COMMD10: variants seen among roughly 807,000 people sequenced by gnomAD.
COMMD10 encodes the protein COMM domain containing 10.
A neutral mutation model predicts 28.9 loss-of-function variants in COMMD10; 33 were observed. That is an observed-to-expected ratio of 1.14 (90% CI 0.87 to 1.53). COMMD10 has a LOEUF of 1.53. COMMD10 is among the 40% of genes most tolerant of loss of function. The pLI, the probability that COMMD10 is intolerant of heterozygous loss-of-function variation, is 0.00. For synonymous variants in COMMD10, 110 were observed against 81.7 expected, an observed-to-expected ratio of 1.35 and a Z score of -1.87; for missense variants, 310 against 233.4, an observed-to-expected ratio of 1.33 and a Z score of -2.14.
At chr5:116,220,068 G>A (rs1749206849) in intron 5 of COMMD10, among the ~76,000 whole-genome samples, 1 of 152,116 alleles carries the variant, frequency 6.6e-6, no homozygotes, top group Non-Finnish European at 1.5e-5. Context: ...AACCTTGAAA[G>A]TCAGTTATCA....
intron 5 of COMMD10, among the ~76,000 whole-genome samples, chr5:116,273,440 G>C (rs1411294514): frequency 6.6e-6 from 1 of 151,676 alleles, no homozygotes; most frequent in Non-Finnish European, 1.5e-5. Flanking sequence ...CGAAAGCTTT[G>C]TATATGTTCC....
chr5:116,214,690 T>C (rs1257185931), intron 5 of COMMD10, among the ~76,000 whole-genome samples: 2 of 152,136 alleles, frequency 1.3e-5, no homozygotes, highest in Non-Finnish European at 1.5e-5. Flanking sequence ...GTATTATCAT[T>C]TTTTCATTTA....
At chr5:116,171,760 T>C (rs1024552676) in intron 5 of COMMD10, among the ~76,000 whole-genome samples, 2 of 151,736 alleles carry the variant, frequency 1.3e-5, no homozygotes, top group Admixed American at 1.3e-4. Flanking sequence ...CTCTCACTCA[T>C]AAGGGGGAGT....
chr5:116,261,297 A>G (rs918106971), intron 5 of COMMD10, among the ~76,000 whole-genome samples: 3 of 151,746 alleles, frequency 2.0e-5, no homozygotes, highest in Admixed American at 1.3e-4. Context: ...AGTCAAGGAG[A>G]TGAAAATTGT....
At chr5:116,185,212 T>C (rs555629637) in intron 5 of COMMD10, among the ~76,000 whole-genome samples, 123 of 147,042 alleles carry the variant, frequency 8.4e-4, no homozygotes, top group African/African-American at 3.1e-3. Context: ...ATGTATGTCT[T>C]AAGAAAGCAT....
At chr5:116,205,815 G>A (rs1748796330) in intron 5 of COMMD10, among the ~76,000 whole-genome samples, 1 of 152,104 alleles carries the variant, frequency 6.6e-6, no homozygotes, top group Non-Finnish European at 1.5e-5. Context: ...TATTTTTAAT[G>A]TAAACATATT....
intron 5 of COMMD10, among the ~76,000 whole-genome samples, chr5:116,170,195 T>TA (rs1753276016): frequency 6.6e-6 from 1 of 151,978 alleles, no homozygotes; most frequent in South Asian, 2.1e-4. Context: ...ACACCAATAA[T>TA]AGACAAACTG....
chr5:116,131,500 C>T (rs1751862131), intron 4 of COMMD10, among the ~76,000 whole-genome samples: 1 of 151,826 alleles, frequency 6.6e-6, no homozygotes, highest in African/African-American at 2.4e-5. Flanking sequence ...AAGCCATAGC[C>T]AAGTGGAAAT....
intron 5 of COMMD10, among the ~76,000 whole-genome samples, chr5:116,149,248 T>C (rs1752437142): frequency 6.9e-6 from 1 of 144,712 alleles, no homozygotes; most frequent in African/African-American, 2.8e-5. Context: ...CTTAATCCAG[T>C]CTATCATTGT....
intron 5 of COMMD10, among the ~76,000 whole-genome samples, chr5:116,202,383 T>C (rs902245288): frequency 3.9e-5 from 6 of 151,972 alleles, no homozygotes; most frequent in Admixed American, 2.6e-4. Context: ...TGATTTATAG[T>C]CCTTTGGGTA....
At chr5:116,270,071 A>G (rs1012371097) in intron 5 of COMMD10, among the ~76,000 whole-genome samples, 1 of 151,814 alleles carries the variant, frequency 6.6e-6, no homozygotes, top group Admixed American at 6.6e-5. Context: ...TGTTATCTTG[A>G]CATAATGAAG....
chr5:116,283,653 T>TA (rs1751135832), intron 5 of COMMD10, among the ~76,000 whole-genome samples: 1 of 151,708 alleles, frequency 6.6e-6, no homozygotes, highest in African/African-American at 2.4e-5. Context: ...GACCTGTTAT[T>TA]TTGAGGCCTG....
intron 4 of COMMD10, among the ~76,000 whole-genome samples, chr5:116,126,921 T>C (rs916229768): frequency 2.0e-5 from 3 of 152,036 alleles, no homozygotes; most frequent in Non-Finnish European, 1.5e-5. Flanking sequence ...CAAAATTGAC[T>C]GATGGGATCT....
Position 116,127,007 on chromosome 5 carries a change from A to G in COMMD10, c.400-7061A>G, listed in dbSNP as rs188207731. Among the ~76,000 whole-genome samples the G allele has an allele frequency of 1.9e-3, 289 of 152,342 alleles. 3 individuals are homozygous for G. Among genetic ancestry groups the G allele is most frequent in the African/African-American group, 6.6e-3 (273 of 41,570 alleles). On this transcript the variant is annotated intron_variant, in intron 4 of 6. Transcript: ENST00000274458. ...ACAGGCAACCTACAGAATAGGAGAA[A>G]ATTTTTACAATCTACCCAACTGACA...
At chr5:116,179,746 T>TA (rs1356041689) in intron 5 of COMMD10, among the ~76,000 whole-genome samples, 1 of 152,108 alleles carries the variant, frequency 6.6e-6, no homozygotes, top group Non-Finnish European at 1.5e-5. Flanking sequence ...GATGACTTGA[T>TA]AAAAATTATA....
chr5:116,284,103 G>A (rs1751152592), intron 5 of COMMD10, among the ~76,000 whole-genome samples: 1 of 151,840 alleles, frequency 6.6e-6, no homozygotes, highest in Non-Finnish European at 1.5e-5. Context: ...TTGCACTCCA[G>A]CCTGGGCAAC....
Position 116,145,853 on chromosome 5 carries a change from C to T in COMMD10, c.510+11675C>T, listed in dbSNP as rs141023335. Among the ~76,000 whole-genome samples, 240 of 151,998 alleles carry T rather than the reference C, an allele frequency of 1.6e-3. 3 individuals carry two copies. The highest frequency in any genetic ancestry group is 5.4e-3 in the African/African-American group (225 of 41,508). ...AGAAGAAGGTGTCTTGCTTCCTCTT[C>T]GCCTTCTGCCATGATTGTAAGTTTC... On this transcript the variant is annotated intron_variant, in intron 5 of 6. Coordinates refer to ENST00000274458, the MANE Select transcript of COMMD10 (RefSeq NM_016144.4).
intron 5 of COMMD10, among the ~76,000 whole-genome samples, chr5:116,222,174 T>C (rs1390089596): frequency 6.6e-6 from 1 of 152,222 alleles, no homozygotes; most frequent in Non-Finnish European, 1.5e-5. Context: ...TCTTACTCTC[T>C]TCAGTGATAG....
chr5:116,168,272 A>G (rs1357353565), intron 5 of COMMD10, among the ~76,000 whole-genome samples: 3 of 152,188 alleles, frequency 2.0e-5, no homozygotes, highest in African/African-American at 7.2e-5. Context: ...GGATCAGTGC[A>G]ACAAGAAGAG....
Sources: gnomAD v4.1 joint callset for allele counts (sites outside exome capture counted in the v4.1 genomes callset) on GRCh38, gnomAD v4.1.1 for gene constraint, MANE v1.5 for transcripts, NCBI Gene and HGNC (gene_info 2026-07-23, HGNC 2026-07-21) for gene names.